The following DDX17 variants were observed in gnomAD, a reference collection of about 807,000 sequenced individuals.
DDX17 encodes probable ATP-dependent RNA helicase DDX17.
Under a neutral mutation model 80.8 loss-of-function variants are expected in DDX17, and 10 were observed. The ratio of observed to expected loss-of-function variants is 0.12; its 90% confidence interval spans 0.08 to 0.21. The LOEUF is 0.21. Ranked by LOEUF, DDX17 falls within the 10% of genes least tolerant of loss-of-function variation. The pLI, the probability that DDX17 is intolerant of heterozygous loss-of-function variation, is 1.00. For missense variants in DDX17, 586 were observed against 957.4 expected (o/e 0.61, Z 5.12); for synonymous variants, 339 against 336.2 (o/e 1.01, Z -0.09).
rs2089745250 is a variant in DDX17, at chr22:38,494,876, C to G, written c.1041+10G>C. ...TGGCATAAAGACTGCTTATTATTAGCTTTACACACCCTGATTTGGTCAACA... is the reference window on the plus strand; with the variant it reads ...TGGCATAAAGACTGCTTATTATTAGGTTTACACACCCTGATTTGGTCAACA... On this transcript the variant is annotated intron_variant, in intron 7 of 12. Transcript: ENST00000403230. The G allele has an allele frequency of 6.2e-7, 1 of 1,613,784 alleles. No homozygotes were observed. The highest frequency in any genetic ancestry group is 8.5e-7 in the Non-Finnish European group (1 of 1,179,916).
At chr22:38,490,567 A>T in intron 11 of DDX17, 1 of 725,036 alleles carries the variant, frequency 1.4e-6, no homozygotes, top group Non-Finnish European at 2.0e-6. Context: ...CTATTATAAA[A>T]TTATGGGAAT....
Position 38,485,097 on chromosome 22 carries a change from G to C in DDX17, c.*838C>G, listed in dbSNP as rs2089641474. 6.6e-6 allele frequency: 1 copy of C among 152,196 alleles called. No individual in the cohort carries two copies. Among genetic ancestry groups the C allele is most frequent in the African/African-American group, 2.4e-5 (1 of 41,452 alleles). The allele number at this position is 152,196 out of a possible 1,614,324, so 9.4% of individuals were successfully genotyped here. A position where few individuals can be genotyped will look rare whatever the true frequency, so the allele number is the denominator to read the frequency against. On this transcript the variant is annotated 3_prime_UTR_variant, in exon 13 of 13. Transcript: ENST00000403230. ...CATTTATGTTCATTTGCTCACAGCA[G>C]CTGTCTGGATGGAAAATTAATTTCA...
intron 1 of DDX17, among the ~76,000 whole-genome samples, chr22:38,504,735 G>T (rs984337525): frequency 2.0e-5 from 3 of 152,200 alleles, no homozygotes; most frequent in Admixed American, 6.5e-5. Context: ...AGAAAATATC[G>T]TTAACAGAGC....
At position 38,489,944 on chromosome 22, in the gene DDX17, T is replaced by G; in HGVS notation, c.1448-1829A>C. ...GACCATGGCAGTAGAACAAGTTCAA[T>G]TACTACACTGGATGCGTTAAGTGTG... On this transcript the variant is annotated intron_variant, in intron 11 of 12. Transcript: ENST00000403230. This position sits in a 1 kb window ranked among gnomAD's most constrained non-coding sequence, Gnocchi z 4.6. The G allele has an allele frequency of 1.0e-6, 1 of 1,000,908 alleles. No homozygotes were observed. 62.0% of individuals were successfully genotyped at this position (1,000,908 alleles called of 1,614,324 possible).
rs2089746472 is a variant in DDX17 at position 38,495,049 on chromosome 22, G to A, written c.881-3C>T. On this transcript the variant is annotated splice_region_variant and splice_polypyrimidine_tract_variant and intron_variant, in intron 6 of 12. Coordinates refer to ENST00000403230, the MANE Select transcript of DDX17 (RefSeq NM_006386.5). Reference sequence around the variant, plus strand: ...AGTGGCTATGCAGATCTCAACACCTGTAAAACAAAACCAATGATCGAGCCA... The same window carrying A: ...AGTGGCTATGCAGATCTCAACACCTATAAAACAAAACCAATGATCGAGCCA... 2 of 1,611,628 alleles carry A rather than the reference G, an allele frequency of 1.2e-6. No homozygotes were observed. The highest frequency in any genetic ancestry group is 1.3e-5 in the African/African-American group (1 of 74,778).
In DDX17 at chr22:38,485,100, G is replaced by A. The variant is rs533041346; in HGVS notation, c.*835C>T. 6.6e-6 allele frequency: 1 copy of A among 152,336 alleles called. No individual in the cohort carries two copies. The highest frequency in any genetic ancestry group is 2.4e-5 in the African/African-American group (1 of 41,574). 9.4% of individuals were successfully genotyped at this position (152,336 alleles called of 1,614,324 possible). ...TTATGTTCATTTGCTCACAGCAGCT[G>A]TCTGGATGGAAAATTAATTTCACAG... On this transcript the variant is annotated 3_prime_UTR_variant, in exon 13 of 13. Coordinates refer to ENST00000403230, the MANE Select transcript of DDX17 (RefSeq NM_006386.5).
In DDX17 at chr22:38,506,134, C is replaced by T; in HGVS notation, c.104G>A (p.Arg35Gln). 1.9e-6 allele frequency: 3 copies of T among 1,578,690 alleles called. No homozygotes were observed. In the South Asian group the frequency reaches 3.5e-5, roughly 18 times the overall value. The change falls in exon 1 of 13, where the codon CGA (arginine) becomes CAA (glutamine). Residue 35 changes from arginine (R) to glutamine (Q), a missense_variant. Coordinates refer to ENST00000403230, the MANE Select transcript of DDX17 (RefSeq NM_006386.5). ...GGCGGCGGCAGGCGCAGCGCTCTCT[C>T]GCTCCGACGCGCTGTCTCCCGTCGC...
chr22:38,497,401 T>C lies in DDX17; in HGVS notation c.738+684A>G, dbSNP rs958975454. 4.0e-5 allele frequency among the ~76,000 whole-genome samples: 6 copies of C among 148,666 alleles called. No individual in the cohort carries two copies. The East Asian group carries it at 7.9e-4, about 20-fold the overall frequency. ...GGGAGGCCGAGGCAGGCAGATCACC[T>C]GAGGTCAGGAGTTCCAGACCAGCCT... On this transcript the variant is annotated intron_variant, in intron 5 of 12. Coordinates refer to ENST00000403230, the MANE Select transcript of DDX17 (RefSeq NM_006386.5).
intron 11 of DDX17, chr22:38,490,778 C>CA (rs2089706183): frequency 4.6e-6 from 1 of 215,814 alleles, no homozygotes; most frequent in East Asian, 1.4e-4. Flanking sequence ...AGGCAGCAAA[C>CA]AAAGGGGCCC....
chr22:38,486,482 G>A, intron 12 of DDX17, 42 bp from the exon 13 acceptor site: 5 of 1,518,646 alleles, frequency 3.3e-6, no homozygotes, highest in Admixed American at 4.4e-5. Flanking sequence ...GCAGATATAG[G>A]ACCTAAACAT....
intron 6 of DDX17, 58 bp downstream of exon 6, chr22:38,495,738 C>T: frequency 7.4e-7 from 1 of 1,354,780 alleles, no homozygotes; most frequent in Non-Finnish European, 9.7e-7. Context: ...CCAATTTCCT[C>T]CACAGGAATT....
intron 12 of DDX17, 77 bp downstream of exon 12, chr22:38,487,802 A>G: frequency 1.4e-6 from 2 of 1,476,746 alleles, no homozygotes; most frequent in Non-Finnish European, 1.9e-6. Context: ...TCTTAAAAAC[A>G]GCAACTAAAA....
chr22:38,488,527 A>G (rs989053320), intron 11 of DDX17: 4 of 1,024,824 alleles, frequency 3.9e-6, no homozygotes, highest in Non-Finnish European at 4.7e-6. Context: ...AATCACTTCT[A>G]CTCTGTTGGG....
At position 38,486,345 on chromosome 22, in the gene DDX17, C is replaced by A. The variant is rs751553773; in HGVS notation, c.1780G>T (p.Gly594Cys). 1.9e-6 allele frequency: 3 copies of A among 1,614,212 alleles called. No homozygotes were observed. The highest frequency in any genetic ancestry group is 2.5e-6 in the Non-Finnish European group (3 of 1,180,050). The change falls in exon 13 of 13, where the codon GGT (glycine) becomes TGT (cysteine). Residue 594 changes from glycine to cysteine, a missense_variant. By Grantham distance (159) the Gly-to-Cys change is radical. Coordinates refer to ENST00000403230, the MANE Select transcript of DDX17 (RefSeq NM_006386.5). ...TAGCTTGCAGAGTCTCTCCGGCCAC[C>A]ATCCTTGACTCCTCGAAGCCTTCGG...
intron 10 of DDX17, 21 bp from the exon 11 acceptor site, chr22:38,492,136 C>A (rs1019872320): frequency 1.3e-6 from 2 of 1,597,042 alleles, no homozygotes; most frequent in Non-Finnish European, 1.7e-6. Context: ...AAACAATAAT[C>A]ATCATCAAAT....
At chr22:38,497,226 G>T (rs2089777586) in intron 5 of DDX17, among the ~76,000 whole-genome samples, 1 of 149,428 alleles carries the variant, frequency 6.7e-6, no homozygotes, top group African/African-American at 2.5e-5. Flanking sequence ...AAGCCAGGAG[G>T]TGGAGGTTGC....
chr22:38,499,028 A>G (rs1235394977), intron 3 of DDX17, among the ~76,000 whole-genome samples: 1 of 152,176 alleles, frequency 6.6e-6, no homozygotes, highest in Non-Finnish European at 1.5e-5. Context: ...ACAAACAAAC[A>G]AAAGCTGCTA....
intron 12 of DDX17, among the ~76,000 whole-genome samples, chr22:38,487,320 C>T (rs2089670209): frequency 6.7e-6 from 1 of 149,086 alleles, no homozygotes; most frequent in African/African-American, 2.4e-5. Context: ...CATGGTGAAA[C>T]TCCACAGACC....
Position 38,501,149 on chromosome 22 carries a change from T to G in DDX17, c.419A>C (p.Glu140Ala). ...ACTTACTGGTGTCAGCCTTGCTACT[T>G]CCGGATGTTCCACATAAAAATTTTT... Residue 140 changes from glutamate to alanine, a missense_variant, in exon 2 of 13, where the codon GAA becomes GCA. Coordinates refer to ENST00000403230, the MANE Select transcript of DDX17 (RefSeq NM_006386.5). 1 of 1,613,858 alleles carries G rather than the reference T, an allele frequency of 6.2e-7. No individual in the cohort carries two copies. Among genetic ancestry groups the G allele is most frequent in the Non-Finnish European group, 8.5e-7 (1 of 1,179,978 alleles).
Sources: gnomAD v4.1 joint callset for allele counts (sites outside exome capture counted in the v4.1 genomes callset) on GRCh38, gnomAD v4.1.1 for gene constraint, Gnocchi (gnomAD v3.1) non-coding constraint, MANE v1.5 for transcripts, NCBI Gene and HGNC (gene_info 2026-07-23, HGNC 2026-07-21) for gene names.